Variants in SLC3A1 observed in about 807,000 individuals in gnomAD.
SLC3A1 encodes the protein solute carrier family 3 member 1, also known as amino acid transporter heavy chain SLC3A1.
A neutral mutation model predicts 60.3 loss-of-function variants in SLC3A1; 78 were observed. The observed-to-expected ratio is 1.29, with a 90% CI of 1.08 to 1.56. SLC3A1 has a LOEUF of 1.56. Ranked by LOEUF, SLC3A1 falls within the 40% of genes most tolerant of loss-of-function variation. The probability of loss-of-function intolerance (pLI) is 0.00; values close to 1 mark genes in which losing one functional copy is unlikely to be tolerated. For missense variants in SLC3A1, 1,172 were observed against 858.9 expected, an observed-to-expected ratio of 1.36 and a Z score of -4.56; for synonymous variants, 392 against 307.9, an observed-to-expected ratio of 1.27 and a Z score of -2.86.
rs1044871710 is a variant in SLC3A1, at chr2:44,320,706, T to C, written c.*67T>C. 16 of 1,174,256 alleles carry C rather than the reference T, an allele frequency of 1.4e-5. No individual in the cohort carries two copies. The highest frequency in any genetic ancestry group is 2.0e-5 in the Non-Finnish European group (16 of 781,342). The allele number at this position is 1,174,256 out of a possible 1,614,324, so 72.7% of individuals were successfully genotyped here. A position where few individuals can be genotyped will look rare whatever the true frequency, so the allele number is the denominator to read the frequency against. On this transcript the variant is annotated 3_prime_UTR_variant, in exon 10 of 10. Coordinates refer to ENST00000260649, the MANE Select transcript of SLC3A1 (RefSeq NM_000341.4). Reference sequence around the variant, plus strand: ...ATTGTAAGCATTTGTAATAGCTTCATGTACAGCATGCTGCTTGGTGAACAA... The same window carrying C: ...ATTGTAAGCATTTGTAATAGCTTCACGTACAGCATGCTGCTTGGTGAACAA...
At chr2:44,287,525 C>T (rs1466979342) in intron 4 of SLC3A1, among the ~76,000 whole-genome samples, 1 of 152,184 alleles carries the variant, frequency 6.6e-6, no homozygotes, top group South Asian at 2.1e-4. Flanking sequence ...TTGAGACATA[C>T]TGCTACCAAA....
At chr2:44,303,313 A>C (rs1310853921) in intron 6 of SLC3A1, among the ~76,000 whole-genome samples, 2 of 144,198 alleles carry the variant, frequency 1.4e-5, no homozygotes, top group African/African-American at 5.2e-5. Flanking sequence ...GCATGATCTC[A>C]TCTCACTGCA....
intron 4 of SLC3A1, among the ~76,000 whole-genome samples, chr2:44,289,821 G>A (rs182419643): frequency 2.6e-5 from 4 of 151,670 alleles, no homozygotes; most frequent in East Asian, 2.0e-4. Flanking sequence ...TAGTAGAGAC[G>A]CGTTTTATCA....
intron 7 of SLC3A1, among the ~76,000 whole-genome samples, chr2:44,307,385 A>G (rs1291988778): frequency 6.6e-6 from 1 of 152,196 alleles, no homozygotes; most frequent in Non-Finnish European, 1.5e-5. Flanking sequence ...GCATATGGTA[A>G]GTCTACATTT....
chr2:44,313,307 C>G (rs971529417), intron 8 of SLC3A1, among the ~76,000 whole-genome samples: 14 of 152,158 alleles, frequency 9.2e-5, no homozygotes, highest in Non-Finnish European at 1.3e-4. Context: ...TATCTTGCAA[C>G]TTTAATTGCC....
In SLC3A1 at chr2:44,304,349, A is replaced by C; in HGVS notation, c.1332+11A>C. ...TGGCCTAACTGGATGGTAAGTCCTC[A>C]TGACAGCAGAGTACATAATGTGCTG... On this transcript the variant is annotated intron_variant, in intron 7 of 9. Coordinates refer to ENST00000260649, the MANE Select transcript of SLC3A1 (RefSeq NM_000341.4). The C allele has an allele frequency of 5.6e-6, 9 of 1,598,636 alleles. No individual in the cohort carries two copies. Among genetic ancestry groups the C allele is most frequent in the South Asian group, 1.1e-5 (1 of 90,732 alleles).
intron 4 of SLC3A1, among the ~76,000 whole-genome samples, chr2:44,288,899 G>T (rs1382108334): frequency 6.6e-6 from 1 of 150,434 alleles, no homozygotes; most frequent in Non-Finnish European, 1.5e-5. Flanking sequence ...CAGTGGTGCA[G>T]TCTCGGCTCA....
chr2:44,288,547 CTG>C (rs1245123614), intron 4 of SLC3A1, among the ~76,000 whole-genome samples: 1 of 152,170 alleles, frequency 6.6e-6, no homozygotes, highest in Non-Finnish European at 1.5e-5. Context: ...GTGTCTGTAT[CTG>C]TGTTTATTTG....
downstream of SLC3A1, chr2:44,321,601 C>A: frequency 6.7e-7 from 1 of 1,482,564 alleles, no homozygotes; most frequent in South Asian, 1.4e-5. Flanking sequence ...AGGCTTCCAA[C>A]AATTAAGATT....
At chr2:44,312,458 C>T (rs764865209) in intron 7 of SLC3A1, 128 bp from the exon 8 acceptor site, 4 of 951,806 alleles carry the variant, frequency 4.2e-6, no homozygotes, top group African/African-American at 3.2e-5. Flanking sequence ...GGACTCAAGT[C>T]CAGGCTTGCT....
chr2:44,291,652 C>A (rs755812107), intron 4 of SLC3A1, among the ~76,000 whole-genome samples: 3 of 152,298 alleles, frequency 2.0e-5, no homozygotes, highest in Middle Eastern at 3.4e-3. Flanking sequence ...CCCCACCTTA[C>A]CCCCAGCAGC....
chr2:44,293,284 T>C (rs1332497190), intron 4 of SLC3A1, among the ~76,000 whole-genome samples: 2 of 152,048 alleles, frequency 1.3e-5, no homozygotes, highest in East Asian at 1.9e-4. Flanking sequence ...TTTGGGAGGC[T>C]GAGGCAGGTG....
chr2:44,301,522 C>T (rs530400986), intron 6 of SLC3A1: 47 of 348,624 alleles, frequency 1.3e-4, no homozygotes, highest in African/African-American at 8.5e-4. Flanking sequence ...AGGCGGATCA[C>T]GAGGTCAGGA....
intron 6 of SLC3A1, 45 bp from the exon 7 acceptor site, chr2:44,304,098 C>A (rs752584783): frequency 1.3e-6 from 2 of 1,521,724 alleles, no homozygotes; most frequent in South Asian, 2.2e-5. Context: ...CCTTCCCAGT[C>A]TTCTGACAGG....
In SLC3A1 at chr2:44,320,784, T is replaced by C. The variant is rs1402056236; in HGVS notation, c.*145T>C. 2 of 712,498 alleles carry C rather than the reference T, an allele frequency of 2.8e-6. No homozygotes were observed. Among genetic ancestry groups the C allele is most frequent in the Non-Finnish European group, 4.8e-6 (2 of 415,462 alleles). The allele number at this position is 712,498 out of a possible 1,614,324, so 44.1% of individuals were successfully genotyped here. A position where few individuals can be genotyped will look rare whatever the true frequency, so the allele number is the denominator to read the frequency against. ...TTGAATGTAACTGCTTTAAGAAAGG[T>C]TCTCAAATGTTTTGAAAAAAATAAA... On this transcript the variant is annotated 3_prime_UTR_variant, in exon 10 of 10. Transcript: ENST00000260649.
chr2:44,308,933 C>A (rs372917712), intron 7 of SLC3A1, among the ~76,000 whole-genome samples: 19 of 152,210 alleles, frequency 1.2e-4, no homozygotes, highest in African/African-American at 3.6e-4. Context: ...GGGGTTTCAC[C>A]GTGTTAGCCA....
chr2:44,320,619 A>G lies in SLC3A1; in HGVS notation c.2038A>G (p.Ile680Val), dbSNP rs924248668. ...AGCATGCTATTCCAGTGTACTGAACATACTGTATACCTCGTGTTAGGCACC... is the reference window on the plus strand; with the variant it reads ...AGCATGCTATTCCAGTGTACTGAACGTACTGTATACCTCGTGTTAGGCACC... ...NRACYSSVLN[I>V]LYTSC Residue 680 changes from isoleucine (I) to valine (V), a missense_variant, in exon 10 of 10, where the codon ATA becomes GTA. Ile to Val is a conservative substitution (Grantham distance 29, BLOSUM62 3). Coordinates refer to ENST00000260649, the MANE Select transcript of SLC3A1 (RefSeq NM_000341.4). 4.3e-6 allele frequency: 7 copies of G among 1,613,784 alleles called. No individual in the cohort carries two copies. In the African/African-American group the frequency reaches 9.3e-5, roughly 22 times the overall value.
intron 8 of SLC3A1, 50 bp from the exon 9 acceptor site, chr2:44,313,785 T>C (rs1287272742): frequency 7.4e-7 from 1 of 1,360,348 alleles, no homozygotes; most frequent in Non-Finnish European, 1.1e-6. Context: ...CAAAGCACAT[T>C]TCTTCTAATA....
At chr2:44,291,269 G>C (rs1259092198) in intron 4 of SLC3A1, among the ~76,000 whole-genome samples, 1 of 152,182 alleles carries the variant, frequency 6.6e-6, no homozygotes, top group Non-Finnish European at 1.5e-5. Flanking sequence ...TGGTTTATCA[G>C]GCAGTAGATT....
Sources: allele counts gnomAD v4.1 joint callset (sites outside exome capture counted in the v4.1 genomes callset), GRCh38; gene constraint gnomAD v4.1.1; transcripts MANE v1.5; gene names NCBI Gene and HGNC (gene_info 2026-07-23, HGNC 2026-07-21).